Variants in PAX7 observed in about 807,000 individuals in gnomAD.
The protein encoded by PAX7 is paired box protein Pax-7.
In PAX7, 18 loss-of-function variants were observed where a neutral mutation model predicts 50.7. The observed-to-expected ratio is 0.36, with a 90% CI of 0.25 to 0.53. PAX7 has a LOEUF of 0.53. Among genes scored for constraint, PAX7 ranks in the 20% least tolerant of loss-of-function variants. The pLI is 0.93. For synonymous variants in PAX7, 310 were observed against 290.4 expected (o/e 1.07, Z -0.69); for missense variants, 644 against 702.9 (o/e 0.92, Z 0.95).
At chr1:18,715,937 C>T (rs983537327) in intron 7 of PAX7, among the ~76,000 whole-genome samples, 6 of 152,270 alleles carry the variant, frequency 3.9e-5, no homozygotes, top group African/African-American at 1.4e-4. Context: ...CTCTTCCACA[C>T]TCATTTCCCA....
chr1:18,699,673 G>A (rs1412098904), intron 5 of PAX7, among the ~76,000 whole-genome samples: 1 of 151,488 alleles, frequency 6.6e-6, no homozygotes, highest in Non-Finnish European at 1.5e-5. Context: ...CCATTCTCCT[G>A]CCTCAGCCTC....
chr1:18,678,754 ATGGTGGGG>A (rs1003968863), intron 4 of PAX7, among the ~76,000 whole-genome samples: 18 of 151,722 alleles, frequency 1.2e-4, no homozygotes, highest in African/African-American at 4.1e-4. Flanking sequence ...GATTGGGAGG[ATGGTGGGG>A]TTAGACAACA....
chr1:18,747,241 G>A lies in PAX7; in HGVS notation c.*2312G>A, dbSNP rs946655149. ...CAAAACCACCCAGCCCCATCCCCAG[G>A]AGGCGACATTCCAATGCTAGGACCA... is the stretch of plus-strand genomic sequence containing the variant. On this transcript the variant is annotated 3_prime_UTR_variant, in exon 9 of 9. Transcript: ENST00000420770. The A allele has an allele frequency of 3.0e-5, 7 of 230,508 alleles. No individual in the cohort carries two copies. In the East Asian group the frequency reaches 3.7e-4, roughly 12 times the overall value. The allele number at this position is 230,508 out of a possible 1,614,324, so 14.3% of individuals were successfully genotyped here. A position where few individuals can be genotyped will look rare whatever the true frequency, so the allele number is the denominator to read the frequency against.
chr1:18,680,249 G>A (rs2088878250), intron 4 of PAX7, among the ~76,000 whole-genome samples: 1 of 149,800 alleles, frequency 6.7e-6, no homozygotes, highest in African/African-American at 2.5e-5. Flanking sequence ...TTATTCCCAG[G>A]GGGATGGATA....
At chr1:18,734,152 G>A (rs2089681692) in intron 7 of PAX7, among the ~76,000 whole-genome samples, 1 of 152,148 alleles carries the variant, frequency 6.6e-6, no homozygotes. Context: ...TGTCTAGTCG[G>A]CAAAACGATC....
intron 7 of PAX7, among the ~76,000 whole-genome samples, chr1:18,704,392 G>A (rs576389947): frequency 1.4e-4 from 22 of 152,274 alleles, no homozygotes; most frequent in South Asian, 2.1e-4. Flanking sequence ...AGGCCGAGGC[G>A]GGTGGATCAC....
At chr1:18,705,136 T>G (rs1337662756) in intron 7 of PAX7, among the ~76,000 whole-genome samples, 1 of 152,134 alleles carries the variant, frequency 6.6e-6, no homozygotes, top group East Asian at 1.9e-4. Context: ...GCCACCCCAC[T>G]CTCTTGCTGG....
intron 4 of PAX7, among the ~76,000 whole-genome samples, chr1:18,661,553 T>C (rs2100479260): frequency 6.6e-6 from 1 of 152,316 alleles, no homozygotes; most frequent in East Asian, 1.9e-4. Context: ...GCCCTGTAAC[T>C]GCAGACAAGA....
intron 7 of PAX7, among the ~76,000 whole-genome samples, chr1:18,728,960 G>A (rs180913970): frequency 3.9e-4 from 59 of 152,216 alleles, no homozygotes; most frequent in African/African-American, 1.3e-3. Context: ...GACAGACCCA[G>A]GGGAGAGGCC....
At chr1:18,663,478 G>A (rs1391601659) in intron 4 of PAX7, among the ~76,000 whole-genome samples, 3 of 152,222 alleles carry the variant, frequency 2.0e-5, no homozygotes, top group East Asian at 1.9e-4. Flanking sequence ...TGCCTCCCAT[G>A]TTCAAACGAT....
intron 4 of PAX7, among the ~76,000 whole-genome samples, chr1:18,647,207 G>A (rs1001108247): frequency 2.6e-5 from 4 of 152,164 alleles, no homozygotes; most frequent in African/African-American, 7.2e-5. Flanking sequence ...GAGGGGAGGG[G>A]GGCAAAGGAC....
intron 4 of PAX7, among the ~76,000 whole-genome samples, chr1:18,647,056 C>T (rs1401532180): frequency 7.2e-6 from 1 of 139,682 alleles, no homozygotes; most frequent in Non-Finnish European, 1.6e-5. Context: ...GGGCGACCCG[C>T]GCGGGAAGGG....
At chr1:18,642,624 C>A (rs548818652) in intron 4 of PAX7, among the ~76,000 whole-genome samples, 66 of 152,264 alleles carry the variant, frequency 4.3e-4, no homozygotes, top group Admixed American at 1.2e-3. Context: ...CTGTCCGGGG[C>A]CTTCCCTCTT....
At position 18,636,196 on chromosome 1, in the gene PAX7, C is replaced by G; in HGVS notation, c.452-41C>G. 3 of 1,605,044 alleles carry G rather than the reference C, an allele frequency of 1.9e-6. No individual in the cohort carries two copies. The highest frequency in any genetic ancestry group is 2.2e-5 in the South Asian group (2 of 90,288). ...CCAGGCCACCGCTCGCTCCTCTGCT[C>G]CAACAACTTATACTTGCTCTTTTGC... is the stretch of plus-strand genomic sequence containing the variant. On this transcript the variant is annotated intron_variant, in intron 3 of 8. Coordinates refer to ENST00000420770, the MANE Select transcript of PAX7 (RefSeq NM_001135254.2). The surrounding 1 kb of genome is among the most constrained non-coding windows in gnomAD (Gnocchi z 5.1).
chr1:18,735,822 C>G lies in PAX7; in HGVS notation c.1346C>G (p.Thr449Ser). The G allele has an allele frequency of 6.2e-7, 1 of 1,614,156 alleles. No homozygotes were observed. The highest frequency in any genetic ancestry group is 8.5e-7 in the Non-Finnish European group (1 of 1,180,024). ...GCCTACTGCCCACCCACCTACAGCA[C>G]CACCGGCTACAGCGTGGACCCCGTG... ...SQAYCPPTYS[T>S]TGYSVDPVAG... Residue 449 changes from threonine (T) to serine (S), a missense_variant, in exon 8 of 9, where the codon ACC becomes AGC. Thr to Ser is a moderately conservative substitution (Grantham distance 58). Transcript: ENST00000420770. The surrounding 1 kb of genome is among the most constrained non-coding windows in gnomAD (Gnocchi z 4.0).
intron 4 of PAX7, among the ~76,000 whole-genome samples, chr1:18,683,562 G>A (rs571380680): frequency 1.5e-3 from 221 of 152,318 alleles, no homozygotes; most frequent in African/African-American, 4.7e-3. Context: ...CCCATTGGCC[G>A]GGTGCGGTGG....
chr1:18,644,781 C>CT (rs2088312178), intron 4 of PAX7, among the ~76,000 whole-genome samples: 1 of 152,150 alleles, frequency 6.6e-6, no homozygotes, highest in African/African-American at 2.4e-5. Flanking sequence ...TGGAAGGGTC[C>CT]TTTGGGAAGT....
chr1:18,718,823 G>A lies in PAX7; in HGVS notation c.1155+15527G>A, dbSNP rs987073528. 4.6e-5 allele frequency among the ~76,000 whole-genome samples: 7 copies of A among 152,038 alleles called. No homozygotes were observed. In the East Asian group the frequency reaches 5.8e-4, roughly 13 times the overall value. On this transcript the variant is annotated intron_variant, in intron 7 of 8. Coordinates refer to ENST00000420770, the MANE Select transcript of PAX7 (RefSeq NM_001135254.2). ...ACGCTGGCTAATTTTTGCATTTTTA[G>A]TAGAGACAGGGTTTCACCATGTTGG...
rs139702125 is a variant in PAX7, at chr1:18,746,309, G to T, written c.*1380G>T. The T allele has an allele frequency of 4.3e-5, 10 of 230,050 alleles. No homozygotes were observed. The highest frequency in any genetic ancestry group is 1.8e-4 in the South Asian group (1 of 5,496). 14.3% of individuals were successfully genotyped at this position (230,050 alleles called of 1,614,324 possible). A position where few individuals can be genotyped will look rare whatever the true frequency, so the allele number is the denominator to read the frequency against. On this transcript the variant is annotated 3_prime_UTR_variant, in exon 9 of 9. Transcript: ENST00000420770. ...CCAGTTTTCAAGCTACCAGCCCTGGGCAGAGGAAGATGTCAACAATTCCAG... is the reference window on the plus strand; with the variant it reads ...CCAGTTTTCAAGCTACCAGCCCTGGTCAGAGGAAGATGTCAACAATTCCAG...
Sources: allele counts gnomAD v4.1 joint callset (sites outside exome capture counted in the v4.1 genomes callset), GRCh38; gene constraint gnomAD v4.1.1; non-coding constraint Gnocchi (gnomAD v3.1); transcripts MANE v1.5; gene names NCBI Gene and HGNC (gene_info 2026-07-23, HGNC 2026-07-21).